SLC18A1: variants seen among roughly 807,000 people sequenced by gnomAD.
SLC18A1 encodes the protein chromaffin granule amine transporter.
SLC18A1 carries 69 observed loss-of-function variants against 53.7 expected under a neutral mutation model. The observed-to-expected ratio is 1.28, with a 90% confidence interval of 1.06 to 1.57. The LOEUF (loss-of-function observed/expected upper bound fraction) is 1.57. Ranked by LOEUF, SLC18A1 falls within the 40% of genes most tolerant of loss-of-function variation. The probability of loss-of-function intolerance (pLI) is 0.00; values close to 1 mark genes in which losing one functional copy is unlikely to be tolerated. For synonymous variants in SLC18A1, 320 were observed against 248.1 expected (o/e 1.29, Z -2.72); for missense variants, 932 against 668.1 (o/e 1.40, Z -4.35).
intron 11 of SLC18A1, 148 bp downstream of exon 11, chr8:20,150,518 G>T: frequency 1.4e-6 from 1 of 732,214 alleles, no homozygotes; most frequent in Non-Finnish European, 2.5e-6. Flanking sequence ...CTCACTCACT[G>T]CCCATCCTCC....
At chr8:20,149,048 G>A (rs1166502364) in intron 12 of SLC18A1, among the ~76,000 whole-genome samples, 1 of 152,134 alleles carries the variant, frequency 6.6e-6, no homozygotes, top group African/African-American at 2.4e-5. Context: ...CCTCCAGCTG[G>A]TCTTGAGCAC....
In SLC18A1 at chr8:20,157,410, C is replaced by A. The variant is rs188366300; in HGVS notation, c.1016-6666G>T. ...ATTCCCCACAGGCCAGTAGGCAGTTCCTAGTGTAGACTCTCATTATGATGC... is the reference window on the plus strand; with the variant it reads ...ATTCCCCACAGGCCAGTAGGCAGTTACTAGTGTAGACTCTCATTATGATGC... On this transcript the variant is annotated intron_variant, in intron 10 of 15. Coordinates refer to ENST00000276373, the MANE Select transcript of SLC18A1 (RefSeq NM_003053.4). Among the ~76,000 whole-genome samples the A allele has an allele frequency of 3.9e-5, 6 of 152,250 alleles. No homozygotes were observed. The East Asian group carries it at 1.2e-3, about 29-fold the overall frequency.
At chr8:20,176,686 C>A (rs1452272262) in intron 4 of SLC18A1, among the ~76,000 whole-genome samples, 2 of 152,004 alleles carry the variant, frequency 1.3e-5, no homozygotes, top group African/African-American at 4.8e-5. Context: ...ACAAGGATAC[C>A]CTAAACATCA....
intron 6 of SLC18A1, among the ~76,000 whole-genome samples, chr8:20,171,701 TGTGC>T (rs781086639): frequency 0.017 from 2,613 of 150,706 alleles, 67 homozygotes; most frequent in African/African-American, 0.056. Context: ...TGTGTGTGTG[TGTGC>T]GCGCGCGTGT....
At chr8:20,175,919 G>C (rs1205141893) in intron 4 of SLC18A1, 3 of 152,078 alleles carry the variant, frequency 2.0e-5, no homozygotes, top group African/African-American at 7.2e-5. Flanking sequence ...AGTCTTTTCT[G>C]TCTACTCTCC....
At chr8:20,170,720 C>T (rs2072091439) in intron 8 of SLC18A1, among the ~76,000 whole-genome samples, 1 of 152,038 alleles carries the variant, frequency 6.6e-6, no homozygotes, top group Non-Finnish European at 1.5e-5. Context: ...ACTCAGTCCC[C>T]AATGTCATTA....
At chr8:20,168,275 G>C (rs1284944494) in intron 8 of SLC18A1, among the ~76,000 whole-genome samples, 2 of 151,700 alleles carry the variant, frequency 1.3e-5, no homozygotes, top group African/African-American at 4.9e-5. Flanking sequence ...GCTGAGGCAA[G>C]AGGGTCACTT....
intron 8 of SLC18A1, 101 bp from the exon 9 acceptor site, chr8:20,165,208 C>A: frequency 9.8e-7 from 1 of 1,021,706 alleles, no homozygotes. Flanking sequence ...TAGAGACCAT[C>A]TACAGTATCT....
intron 10 of SLC18A1, among the ~76,000 whole-genome samples, chr8:20,162,322 CT>C (rs1419388832): frequency 1.3e-5 from 2 of 152,196 alleles, no homozygotes; most frequent in Admixed American, 6.5e-5. Flanking sequence ...GCCTGGCTCA[CT>C]TTTATCCACA....
rs781761291 is a variant in SLC18A1 at position 20,145,864 on chromosome 8, G to A, written c.1477C>T (p.Gln493Ter). ...ATCCGGGTCTCCATGGGGCAGTCCT[G>A]ACTCAGAATAGCCTGCAGAGAGAGG... Reference protein sequence around the residue: ...AKEEKLAILSQDCPMETRMYA... With the variant: ...AKEEKLAILS The change falls in exon 16 of 16, where the codon CAG becomes TAG. Residue 493 changes from glutamine (Q) to a stop codon, truncating the protein, a stop_gained. Transcript: ENST00000276373. LOFTEE classifies it high-confidence loss of function. 2.7e-5 allele frequency: 44 copies of A among 1,604,306 alleles called. No homozygotes were observed. The South Asian group carries it at 4.7e-4, about 17-fold the overall frequency.
Position 20,150,726 on chromosome 8 carries a change from G to T in SLC18A1, c.1034C>A (p.Ala345Asp). The T allele has an allele frequency of 1.9e-6, 3 of 1,614,116 alleles. No individual in the cohort carries two copies. Among genetic ancestry groups the T allele is most frequent in the Non-Finnish European group, 2.5e-6 (3 of 1,179,972 alleles). The change falls in exon 11 of 16, where the codon GCC (alanine) becomes GAC (aspartate). Residue 345 changes from alanine to aspartate, a missense_variant. Ala to Asp is a moderately radical substitution (Grantham distance 126). Transcript: ENST00000276373. Reference sequence around the variant, plus strand: ...GGTGCCAATGAGGTAGGACACACTGGCAGGCAAGAAAGCTAGACCTGTGGA... The same window carrying T: ...GGTGCCAATGAGGTAGGACACACTGTCAGGCAAGAAAGCTAGACCTGTGGA... ...KWQLGLAFLP[A>D]SVSYLIGTNL...
intron 7 of SLC18A1, 102 bp downstream of exon 7, chr8:20,171,303 A>G (rs762156565): frequency 1.5e-6 from 2 of 1,317,810 alleles, no homozygotes; most frequent in Admixed American, 1.7e-5. Flanking sequence ...CCATCAAAAC[A>G]TGTCCAAACC....
chr8:20,146,221 C>T (rs774972485), intron 15 of SLC18A1, among the ~76,000 whole-genome samples: 7 of 152,062 alleles, frequency 4.6e-5, no homozygotes, highest in African/African-American at 9.7e-5. Context: ...GGCCAACCAC[C>T]GCACATCTTT....
chr8:20,178,155 G>A (rs79417013), intron 4 of SLC18A1, among the ~76,000 whole-genome samples: 21,102 of 126,818 alleles, frequency 0.17, 1,654 homozygotes, highest in Middle Eastern at 0.32. Context: ...CACACACCCC[G>A]TAGCATACAT....
At chr8:20,148,414 C>A in intron 12 of SLC18A1, 1 of 1,277,624 alleles carries the variant, frequency 7.8e-7, no homozygotes, top group Non-Finnish European at 1.0e-6. Flanking sequence ...CCCCTCTTCA[C>A]CTAAACATAC....
At chr8:20,153,353 T>C (rs2071606715) in intron 10 of SLC18A1, among the ~76,000 whole-genome samples, 1 of 152,124 alleles carries the variant, frequency 6.6e-6, no homozygotes, top group Admixed American at 6.6e-5. Flanking sequence ...ACATCCATCA[T>C]GAGCCATTGA....
chr8:20,159,531 G>C (rs556680614), intron 10 of SLC18A1, among the ~76,000 whole-genome samples: 2 of 150,732 alleles, frequency 1.3e-5, no homozygotes, highest in African/African-American at 2.4e-5. Context: ...GACAATGATC[G>C]GGATATAAAC....
intron 10 of SLC18A1, among the ~76,000 whole-genome samples, chr8:20,153,154 A>C (rs779054400): frequency 6.6e-6 from 1 of 152,228 alleles, no homozygotes; most frequent in Non-Finnish European, 1.5e-5. Context: ...ATTGTTGGAC[A>C]ATGTGAAACC....
chr8:20,164,720 C>T (rs1585207436), intron 10 of SLC18A1, 149 bp downstream of exon 10: 1 of 617,198 alleles, frequency 1.6e-6, no homozygotes. Context: ...TGAGGGACCA[C>T]ACACCCTCTT....
Sources: allele counts gnomAD v4.1 joint callset (sites outside exome capture counted in the v4.1 genomes callset), GRCh38; gene constraint gnomAD v4.1.1; transcripts MANE v1.5; gene names NCBI Gene and HGNC (gene_info 2026-07-23, HGNC 2026-07-21).